Variants in SGTA observed in about 807,000 individuals in gnomAD.
The protein encoded by SGTA is small glutamine rich tetratricopeptide repeat co-chaperone alpha, also known as small glutamine-rich tetratricopeptide repeat-containing protein alpha.
SGTA carries 22 observed loss-of-function variants against 44.3 expected under a neutral mutation model. The observed-to-expected ratio is 0.50, with a 90% CI of 0.36 to 0.71. The LOEUF is 0.71. Among genes scored for constraint, SGTA ranks in the 30% least tolerant of loss-of-function variants. SGTA has a pLI of 0.00. For synonymous variants in SGTA, 174 were observed against 177.6 expected (o/e 0.98, Z 0.16); for missense variants, 341 against 435.9 (o/e 0.78, Z 1.94).
rs1436125697 is a variant in SGTA at position 2,763,953 on chromosome 19, T to A, written c.393-196A>T. Among the ~76,000 whole-genome samples the A allele has an allele frequency of 6.6e-6, 1 of 152,152 alleles. No individual in the cohort carries two copies. Among genetic ancestry groups the A allele is most frequent in the African/African-American group, 2.4e-5 (1 of 41,434 alleles). On this transcript the variant is annotated intron_variant, in intron 5 of 11. Coordinates refer to ENST00000221566, the MANE Select transcript of SGTA (RefSeq NM_003021.4). This position sits in a 1 kb window ranked among gnomAD's most constrained non-coding sequence, Gnocchi z 5.8. ...GAGATGCTCTTAGACAAATGTGGGC[T>A]CAAAGCACCAGCAGCCACTCAGGAC...
chr19:2,770,137 C>A (rs537186825), intron 1 of SGTA: 1 of 167,292 alleles, frequency 6.0e-6, no homozygotes, highest in African/African-American at 2.5e-5. Context: ...CTGGTTCCCC[C>A]TCGGACATCC....
intron 1 of SGTA, among the ~76,000 whole-genome samples, chr19:2,775,751 G>A (rs943662570): frequency 1.3e-5 from 2 of 152,142 alleles, no homozygotes; most frequent in African/African-American, 4.8e-5. Context: ...AGACAGCTCT[G>A]GAACCAGAGA....
intron 1 of SGTA, among the ~76,000 whole-genome samples, chr19:2,781,413 G>T (rs188339631): frequency 2.6e-5 from 4 of 152,294 alleles, no homozygotes; most frequent in Non-Finnish European, 5.9e-5. Flanking sequence ...AGTTCCCTAT[G>T]GCAACTGTTC....
intron 9 of SGTA, among the ~76,000 whole-genome samples, chr19:2,758,833 G>T (rs562327041): frequency 6.6e-6 from 1 of 152,342 alleles, no homozygotes; most frequent in Admixed American, 6.5e-5. Context: ...CCAGGCCCCA[G>T]CACACATGCA....
chr19:2,771,994 TCTCTGTCCCTCACTG>T (rs1219540929), intron 1 of SGTA, among the ~76,000 whole-genome samples: 1 of 152,226 alleles, frequency 6.6e-6, no homozygotes, highest in Non-Finnish European at 1.5e-5. Context: ...GTCTTCCCCA[TCTCTGTCCCTCACTG>T]GCTGACATAC....
chr19:2,769,641 T>C (rs931344291), intron 1 of SGTA, among the ~76,000 whole-genome samples: 7 of 152,208 alleles, frequency 4.6e-5, no homozygotes, highest in Admixed American at 3.9e-4. Context: ...CCTGCCCTGG[T>C]ATCACTGTTT....
At chr19:2,768,935 C>G in intron 2 of SGTA, 34 bp downstream of exon 2, 1 of 1,520,914 alleles carries the variant, frequency 6.6e-7, no homozygotes, top group Non-Finnish European at 9.1e-7. Flanking sequence ...GGCCGCTGCC[C>G]GGGGAGAGGG....
Position 2,761,591 on chromosome 19 carries a change from T to C in SGTA, c.637-69A>G. The C allele has an allele frequency of 5.3e-6, 7 of 1,331,048 alleles. No individual in the cohort carries two copies. The highest frequency in any genetic ancestry group is 7.4e-6 in the Non-Finnish European group (7 of 949,050). The allele number at this position is 1,331,048 out of a possible 1,614,324, so 82.5% of individuals were successfully genotyped here. ...GCCACGGTGAATAACCCCCTGGAAC[T>C]CAGAAACAACGGCCCCCCACGGGGC... On this transcript the variant is annotated intron_variant, in intron 7 of 11. Transcript: ENST00000221566. This position sits in a 1 kb window ranked among gnomAD's most constrained non-coding sequence, Gnocchi z 5.7.
chr19:2,779,259 G>A (rs577524920), intron 1 of SGTA, among the ~76,000 whole-genome samples: 7 of 152,050 alleles, frequency 4.6e-5, no homozygotes, highest in East Asian at 1.9e-4. Context: ...TCAGAACTGC[G>A]GGTCCACGGT....
chr19:2,757,376 C>T lies in SGTA; in HGVS notation c.909G>A (p.Thr303=), dbSNP rs201799125. 2.6e-5 allele frequency: 42 copies of T among 1,605,678 alleles called. No homozygotes were observed. Among genetic ancestry groups the T allele is most frequent in the Middle Eastern group, 1.6e-4 (1 of 6,082 alleles). Residue 303 remains threonine, a synonymous_variant, in exon 11 of 12, where the codon ACG becomes ACA. Coordinates refer to ENST00000221566, the MANE Select transcript of SGTA (RefSeq NM_003021.4). ...GCTGGTCGTCGTTGCTGGCGCTGGGCGTCCGACTCCGGATCTGGCTCCTGA... is the reference window on the plus strand; with the variant it reads ...GCTGGTCGTCGTTGCTGGCGCTGGGTGTCCGACTCCGGATCTGGCTCCTGA... ...EQLRSQIRSR[T]PSASNDDQQE
rs1353857430 is a variant in SGTA, at chr19:2,761,964, T to TG, written c.637-443dup. On this transcript the variant is annotated intron_variant, in intron 7 of 11. Transcript: ENST00000221566. This position sits in a 1 kb window ranked among gnomAD's most constrained non-coding sequence, Gnocchi z 5.7. ...CCTGTATTCTGCCGCTTTGACACCTTGGGGCCTTGCTGGCCTGGCAGAGCC... is the reference window on the plus strand; with the variant it reads ...CCTGTATTCTGCCGCTTTGACACCTTGGGGGCCTTGCTGGCCTGGCAGAGCC... 1.3e-5 allele frequency among the ~76,000 whole-genome samples: 2 copies of TG among 152,196 alleles called. No individual in the cohort carries two copies. Among genetic ancestry groups the TG allele is most frequent in the Non-Finnish European group, 2.9e-5 (2 of 68,030 alleles).
At chr19:2,769,254 ATGAC>A (rs1157915350) in intron 1 of SGTA, among the ~76,000 whole-genome samples, 163 bp from the exon 2 acceptor site, 3 of 152,164 alleles carry the variant, frequency 2.0e-5, no homozygotes, top group Non-Finnish European at 4.4e-5. Context: ...TTCACAGATG[ATGAC>A]CTGAGGCCCA....
intron 4 of SGTA, among the ~76,000 whole-genome samples, chr19:2,766,199 G>A (rs140698135): frequency 0.016 from 2,480 of 152,072 alleles, 32 homozygotes; most frequent in Non-Finnish European, 0.027. Flanking sequence ...CTGGGCGACA[G>A]AGCGAGACTC....
Position 2,759,551 on chromosome 19 carries a change from C to G in SGTA, c.700-257G>C. On this transcript the variant is annotated intron_variant, in intron 8 of 11. Transcript: ENST00000221566. Reference sequence around the variant, plus strand: ...AGCGATCTCGCAGCGCCACAGCGCTCTCTCACTGGCTGCTGCGGTTTTGCT... The same window carrying G: ...AGCGATCTCGCAGCGCCACAGCGCTGTCTCACTGGCTGCTGCGGTTTTGCT... 2 of 507,712 alleles carry G rather than the reference C, an allele frequency of 3.9e-6. 1 individual carries two copies. The allele number at this position is 507,712 out of a possible 1,614,324, so 31.5% of individuals were successfully genotyped here.
intron 5 of SGTA, among the ~76,000 whole-genome samples, chr19:2,764,814 G>A (rs777579647): frequency 5.8e-4 from 88 of 152,120 alleles, no homozygotes; most frequent in Non-Finnish European, 9.6e-4. Flanking sequence ...GATCCCCCCC[G>A]CCTCAGCCTC....
At position 2,762,542 on chromosome 19, in the gene SGTA, C is replaced by T; in HGVS notation, c.600G>A (p.Lys200=). Residue 200 remains lysine (K), a synonymous_variant, in exon 7 of 12, where the codon AAG becomes AAA. Coordinates refer to ENST00000221566, the MANE Select transcript of SGTA (RefSeq NM_003021.4). The part of the protein sequence containing the change: ...PDNETYKSNL[K]IAELKLREAP... Reference sequence around the variant, plus strand: ...CCTCCCGCAGCTTCAGCTCCGCTATCTTGAGGTTGGACTTGTATGTCTCGT... The same window carrying T: ...CCTCCCGCAGCTTCAGCTCCGCTATTTTGAGGTTGGACTTGTATGTCTCGT... 6.2e-7 allele frequency: 1 copy of T among 1,614,110 alleles called. No individual in the cohort carries two copies. Among genetic ancestry groups the T allele is most frequent in the Non-Finnish European group, 8.5e-7 (1 of 1,180,004 alleles).
chr19:2,767,704 G>A lies in SGTA; in HGVS notation c.101-18C>T. The A allele has an allele frequency of 6.3e-7, 1 of 1,590,728 alleles. No individual in the cohort carries two copies. ...GATGGCGACTGAAGCGGGGACAGAGGCGGTCCCATTCATTGCACGCAGCCC... is the reference window on the plus strand; with the variant it reads ...GATGGCGACTGAAGCGGGGACAGAGACGGTCCCATTCATTGCACGCAGCCC... On this transcript the variant is annotated intron_variant, in intron 2 of 11. Transcript: ENST00000221566. This position sits in a 1 kb window ranked among gnomAD's most constrained non-coding sequence, Gnocchi z 7.3.
rs1347001319 is a variant in SGTA, at chr19:2,761,895, G to A, written c.637-373C>T. The stretch of plus-strand genomic sequence containing the variant: ...ATCCCGTGTTTATTCCCCGTACAGC[G>A]CGACCGCCCGGGGACGGCACAGTCT... On this transcript the variant is annotated intron_variant, in intron 7 of 11. Transcript: ENST00000221566. The surrounding 1 kb of genome is among the most constrained non-coding windows in gnomAD (Gnocchi z 5.7). Among the ~76,000 whole-genome samples the A allele has an allele frequency of 6.7e-6, 1 of 148,874 alleles. No individual in the cohort carries two copies. Among genetic ancestry groups the A allele is most frequent in the African/African-American group, 2.6e-5 (1 of 39,058 alleles).
intron 4 of SGTA, among the ~76,000 whole-genome samples, chr19:2,766,551 G>C (rs1915147706): frequency 6.6e-6 from 1 of 151,972 alleles, no homozygotes; most frequent in African/African-American, 2.4e-5. Flanking sequence ...TCCTGCCTCA[G>C]CCTCCTGAGT....
Sources: allele counts gnomAD v4.1 joint callset (sites outside exome capture counted in the v4.1 genomes callset), GRCh38; gene constraint gnomAD v4.1.1; non-coding constraint Gnocchi (gnomAD v3.1); transcripts MANE v1.5; gene names NCBI Gene and HGNC (gene_info 2026-07-23, HGNC 2026-07-21).